The following PCNX1 variants were observed in gnomAD, a reference collection of about 807,000 sequenced individuals.
The protein encoded by PCNX1 is pecanex-like protein 1.
In PCNX1, 78 loss-of-function variants were observed where a neutral mutation model predicts 242.2. The observed-to-expected ratio is 0.32, with a 90% confidence interval of 0.27 to 0.39. PCNX1 has a LOEUF of 0.39. Among genes scored for constraint, PCNX1 ranks in the 10% least tolerant of loss-of-function variants. The pLI, the probability that PCNX1 is intolerant of heterozygous loss-of-function variation, is 1.00. For synonymous variants in PCNX1, 1,024 were observed against 1,032.9 expected, an observed-to-expected ratio of 0.99 and a Z score of 0.17; for missense variants, 2,581 against 2,856.5, an observed-to-expected ratio of 0.90 and a Z score of 2.20.
intron 9 of PCNX1, 83 bp downstream of exon 9, chr14:71,009,807 T>C (rs1039600564): frequency 8.7e-5 from 63 of 720,060 alleles, no homozygotes; most frequent in Non-Finnish European, 1.2e-4. Flanking sequence ...ACTATAAAAG[T>C]TAATTTTTTT....
At chr14:70,991,290 C>T (rs569740822) in intron 7 of PCNX1, among the ~76,000 whole-genome samples, 2 of 151,706 alleles carry the variant, frequency 1.3e-5, no homozygotes, top group East Asian at 1.9e-4. Context: ...CTGCAACCTC[C>T]GCCTCCTGGG....
chr14:70,925,115 A>G (rs2056539036), intron 1 of PCNX1, among the ~76,000 whole-genome samples: 1 of 151,722 alleles, frequency 6.6e-6, no homozygotes, highest in South Asian at 2.1e-4. Flanking sequence ...CAGACTCCCG[A>G]GTAGCTGGGA....
intron 6 of PCNX1, among the ~76,000 whole-genome samples, chr14:70,982,121 T>G (rs1029489914): frequency 2.0e-5 from 3 of 152,214 alleles, no homozygotes; most frequent in Non-Finnish European, 4.4e-5. Flanking sequence ...GCTATACACA[T>G]AAATTGAAGG....
chr14:71,021,991 T>C (rs1487371707), intron 12 of PCNX1, among the ~76,000 whole-genome samples: 1 of 152,198 alleles, frequency 6.6e-6, no homozygotes, highest in East Asian at 1.9e-4. Flanking sequence ...TCTCAAAGTC[T>C]TCACCTCTTT....
At chr14:71,015,243 A>AT (rs1327000646) in intron 11 of PCNX1, among the ~76,000 whole-genome samples, 1 of 152,238 alleles carries the variant, frequency 6.6e-6, no homozygotes, top group Non-Finnish European at 1.5e-5. Context: ...AGATGGAAAT[A>AT]TAAGTCTACC....
intron 27 of PCNX1, 124 bp downstream of exon 27, chr14:71,073,922 T>A: frequency 1.8e-6 from 1 of 565,648 alleles, no homozygotes; most frequent in Non-Finnish European, 2.7e-6. Flanking sequence ...AGTACTTATT[T>A]AAATTCTCTA....
In PCNX1 at chr14:71,039,462, A is replaced by G. The variant is rs534111011; in HGVS notation, c.3867+3305A>G. Among the ~76,000 whole-genome samples the G allele has an allele frequency of 7.9e-5, 12 of 152,300 alleles. No individual in the cohort carries two copies. The South Asian group carries it at 1.9e-3, about 24-fold the overall frequency. ...TGCCTAACTGTACTCACAAAATGGC[A>G]GCTGGTTTCCCCCAGAGCAAGTGGT... On this transcript the variant is annotated intron_variant, in intron 19 of 35. Transcript: ENST00000304743.
rs1233357648 is a variant in PCNX1, at chr14:70,978,400, C to G, written c.2063C>G (p.Ala688Gly). The G allele has an allele frequency of 6.2e-7, 1 of 1,614,090 alleles. No homozygotes were observed. Among genetic ancestry groups the G allele is most frequent in the East Asian group, 2.2e-5 (1 of 44,902 alleles). The change falls in exon 6 of 36, where the codon GCC becomes GGC. Residue 688 changes from alanine (A) to glycine (G), a missense_variant. Around this residue, in one of 9 missense-constraint regions of PCNX1, gnomAD observed 1,204 missense variants for 1,216.7 expected, o/e 0.99. Coordinates refer to ENST00000304743, the MANE Select transcript of PCNX1 (RefSeq NM_014982.3). ...AGCACAAATAGTGCCAAGACTCGTG[C>G]CCGAGTGTTGAGCCTGGACAGTGGC... The part of the protein sequence containing the change: ...TSSTNSAKTR[A>G]RVLSLDSGTV...
chr14:70,942,821 C>G (rs1485557370), intron 1 of PCNX1: 1 of 152,132 alleles, frequency 6.6e-6, no homozygotes, highest in Non-Finnish European at 1.5e-5. Flanking sequence ...GATTTTGTGT[C>G]CTCACCCAAA....
intron 1 of PCNX1, among the ~76,000 whole-genome samples, chr14:70,926,798 A>T (rs775647960): frequency 6.6e-6 from 1 of 152,238 alleles, no homozygotes; most frequent in Non-Finnish European, 1.5e-5. Context: ...ACAGATGTAC[A>T]TGCAGCACAA....
At chr14:70,950,392 A>G (rs1048244214) in intron 2 of PCNX1, among the ~76,000 whole-genome samples, 18 of 152,116 alleles carry the variant, frequency 1.2e-4, no homozygotes, top group African/African-American at 9.7e-5. Flanking sequence ...CATTATGCCA[A>G]TGTATTTTAT....
In PCNX1 at chr14:71,105,232, T is replaced by A. The variant is rs2062579353; in HGVS notation, c.6096-3T>A. 2.5e-6 allele frequency: 4 copies of A among 1,612,008 alleles called. No homozygotes were observed. The highest frequency in any genetic ancestry group is 3.4e-6 in the Non-Finnish European group (4 of 1,178,254). On this transcript the variant is annotated splice_polypyrimidine_tract_variant and splice_region_variant and intron_variant, in intron 32 of 35. Transcript: ENST00000304743. ...TGCTTCCTACTCTGGTATTTGTTCC[T>A]AGGCTTAGGAAAGGTTGCGGAGCTG... is the stretch of plus-strand genomic sequence containing the variant.
intron 26 of PCNX1, among the ~76,000 whole-genome samples, chr14:71,058,324 C>G (rs2061237051): frequency 6.6e-6 from 1 of 152,290 alleles, no homozygotes; most frequent in African/African-American, 2.4e-5. Context: ...ATTCTCCTTT[C>G]CATCAGCCCT....
chr14:70,998,750 CAAA>C (rs34044438), intron 8 of PCNX1, among the ~76,000 whole-genome samples: 1,037 of 89,048 alleles, frequency 0.012, 14 homozygotes, highest in African/African-American at 0.039. Context: ...GACCCTATCT[CAAA>C]AAAAAAAAAA....
chr14:71,100,298 C>G (rs1226080043), intron 30 of PCNX1, among the ~76,000 whole-genome samples: 2 of 152,162 alleles, frequency 1.3e-5, no homozygotes, highest in Non-Finnish European at 2.9e-5. Flanking sequence ...TAAGTGGTAA[C>G]AAACTTCCTT....
At chr14:70,949,349 A>G (rs888780485) in intron 2 of PCNX1, among the ~76,000 whole-genome samples, 1 of 147,826 alleles carries the variant, frequency 6.8e-6, no homozygotes, top group South Asian at 2.1e-4. Flanking sequence ...GCATACACGC[A>G]CGTGCATATA....
chr14:70,913,780 A>AT (rs1270963111), intron 1 of PCNX1, among the ~76,000 whole-genome samples: 1 of 152,216 alleles, frequency 6.6e-6, no homozygotes, highest in Non-Finnish European at 1.5e-5. Context: ...ATATTTTAAA[A>AT]TTTATATTTC....
intron 1 of PCNX1, among the ~76,000 whole-genome samples, chr14:70,924,206 T>A (rs1442682723): frequency 7.5e-6 from 1 of 132,604 alleles, no homozygotes; most frequent in Non-Finnish European, 1.5e-5. Context: ...CACTCCAGCC[T>A]GGGTGACACA....
At chr14:70,996,928 A>G (rs2059370198) in intron 8 of PCNX1, among the ~76,000 whole-genome samples, 1 of 152,136 alleles carries the variant, frequency 6.6e-6, no homozygotes. Flanking sequence ...AGAGGTATTA[A>G]GTACGTATGC....
Sources: gnomAD v4.1 joint callset for allele counts (sites outside exome capture counted in the v4.1 genomes callset) on GRCh38, gnomAD v4.1.1 for gene constraint, gnomAD v4.1.1 regional missense constraint, MANE v1.5 for transcripts, NCBI Gene and HGNC (gene_info 2026-07-23, HGNC 2026-07-21) for gene names.